The following KIF1A variants were observed in gnomAD, a reference collection of about 807,000 sequenced individuals.
The protein encoded by KIF1A is kinesin family member 1A.
In KIF1A, 46 loss-of-function variants were observed where a neutral mutation model predicts 227.3. The ratio of observed to expected loss-of-function variants is 0.20; its 90% CI spans 0.16 to 0.26. The LOEUF is 0.26. KIF1A is among the 10% of genes least tolerant of loss of function. KIF1A has a pLI of 1.00. For missense variants in KIF1A, 1,683 were observed against 2,485.9 expected (o/e 0.68, Z 6.87); for synonymous variants, 1,022 against 1,012.8 (o/e 1.01, Z -0.17).
chr2:240,744,161 T>C (rs919593269), intron 32 of KIF1A, 101 bp from the exon 33 acceptor site: 2 of 825,924 alleles, frequency 2.4e-6, no homozygotes, highest in Non-Finnish European at 4.1e-6. Context: ...GGCCCAGATC[T>C]GGGACCCCTA....
chr2:240,728,333 C>T (rs968353439), intron 38 of KIF1A: 53 of 1,134,562 alleles, frequency 4.7e-5, no homozygotes, highest in East Asian at 2.9e-4. Flanking sequence ...GAAAGGAACT[C>T]GGAAGAGCAG....
chr2:240,733,676 T>C (rs2125696287), intron 38 of KIF1A, among the ~76,000 whole-genome samples: 1 of 152,322 alleles, frequency 6.6e-6, no homozygotes, highest in East Asian at 1.9e-4. Flanking sequence ...GACAAGGATG[T>C]GGCCTCAGAA....
chr2:240,765,866 G>A (rs1008021963), intron 19 of KIF1A, 73 bp from the exon 20 acceptor site: 1 of 1,117,048 alleles, frequency 9.0e-7, no homozygotes, highest in East Asian at 2.4e-5. Context: ...GGCTTACCTG[G>A]CCCCCGGGCA....
chr2:240,761,207 G>T, intron 24 of KIF1A, 22 bp downstream of exon 24: 1 of 1,603,610 alleles, frequency 6.2e-7, no homozygotes, highest in Non-Finnish European at 8.5e-7. Flanking sequence ...ACAGGAAACG[G>T]TACAGCCAGT....
intron 1 of KIF1A, among the ~76,000 whole-genome samples, chr2:240,809,974 T>G (rs1174495070): frequency 6.6e-6 from 1 of 152,218 alleles, no homozygotes; most frequent in Non-Finnish European, 1.5e-5. Flanking sequence ...TTTATTTTTA[T>G]TTTTATTTTT....
At chr2:240,809,898 AAAG>A (rs1056580780) in intron 1 of KIF1A, among the ~76,000 whole-genome samples, 2 of 152,140 alleles carry the variant, frequency 1.3e-5, no homozygotes, top group African/African-American at 2.4e-5. Flanking sequence ...AAAAAAAAAA[AAAG>A]AGTTTCTTGT....
At position 240,788,277 on chromosome 2, in the gene KIF1A, G is replaced by A. The variant is rs756849165; in HGVS notation, c.184-47C>T. The A allele has an allele frequency of 2.0e-5, 32 of 1,575,800 alleles. No homozygotes were observed. The highest frequency in any genetic ancestry group is 2.3e-5 in the East Asian group (1 of 44,414). On this transcript the variant is annotated intron_variant, in intron 3 of 48. Coordinates refer to ENST00000498729, the MANE Select transcript of KIF1A (RefSeq NM_001244008.2). This position sits in a 1 kb window ranked among gnomAD's most constrained non-coding sequence, Gnocchi z 6.6. Reference sequence around the variant, plus strand: ...AAGTTGCAGGAGGCTGGGTGCATCCGAGGCTCAGCCCATCATGTCTGCGGA... The same window carrying A: ...AAGTTGCAGGAGGCTGGGTGCATCCAAGGCTCAGCCCATCATGTCTGCGGA...
rs553305820 is a variant in KIF1A at position 240,759,805 on chromosome 2, G to A, written c.2444+860C>T. 4.6e-5 allele frequency among the ~76,000 whole-genome samples: 7 copies of A among 152,274 alleles called. No homozygotes were observed. The South Asian group carries it at 6.2e-4, about 14-fold the overall frequency. On this transcript the variant is annotated intron_variant, in intron 25 of 48. Transcript: ENST00000498729. ...AAGGATTGGCTGAGGCCAGGAGTTA[G>A]AGATCAGCCTGTGCAACAGAGCGAG...
In KIF1A at chr2:240,757,376, A is replaced by T. The variant is rs1422783093; in HGVS notation, c.2801T>A (p.Leu934Gln). 6.4e-7 allele frequency: 1 copy of T among 1,550,484 alleles called. No individual in the cohort carries two copies. The highest frequency in any genetic ancestry group is 1.4e-5 in the African/African-American group (1 of 73,010). ...LEDDVFPEHA[L>Q]CDGRDPFYDR... ...GTAAAACGGGTCCCGGCCGTCGCAC[A>T]GCGCGTGCTCCGGAAAGACGTCGTC... The change falls in exon 27 of 49, where the codon CTG becomes CAG. Residue 934 changes from leucine to glutamine, a missense_variant. By Grantham distance (113) the Leu-to-Gln change is moderately radical (BLOSUM62 -2). This residue lies in a region of KIF1A where 759 missense variants were observed against 1,020.2 expected (regional missense o/e 0.74). Coordinates refer to ENST00000498729, the MANE Select transcript of KIF1A (RefSeq NM_001244008.2). This position sits in a 1 kb window ranked among gnomAD's most constrained non-coding sequence, Gnocchi z 6.2.
intron 43 of KIF1A, 82 bp from the exon 44 acceptor site, chr2:240,721,966 C>T: frequency 8.5e-7 from 1 of 1,175,736 alleles, no homozygotes; most frequent in Non-Finnish European, 1.2e-6. Flanking sequence ...TTCTACCCAC[C>T]CCTCCCCAGA....
intron 1 of KIF1A, among the ~76,000 whole-genome samples, chr2:240,798,591 T>C (rs1401709144): frequency 6.6e-6 from 1 of 152,124 alleles, no homozygotes; most frequent in Non-Finnish European, 1.5e-5. Context: ...GGGGTGGTGG[T>C]CAGGAACCCC....
Position 240,726,690 on chromosome 2 carries a change from G to A in KIF1A, c.4122+136C>T. On this transcript the variant is annotated intron_variant, in intron 39 of 48. Coordinates refer to ENST00000498729, the MANE Select transcript of KIF1A (RefSeq NM_001244008.2). This position sits in a 1 kb window ranked among gnomAD's most constrained non-coding sequence, Gnocchi z 5.2. The stretch of plus-strand genomic sequence containing the variant: ...CAGTTTTTGTTTTTGTTTTTTAAAA[G>A]GCACACAAATTTAACCCAGGGACTT... 2.1e-6 allele frequency: 1 copy of A among 473,946 alleles called. No individual in the cohort carries two copies. Among genetic ancestry groups the A allele is most frequent in the African/African-American group, 2.0e-5 (1 of 50,590 alleles). The allele number at this position is 473,946 out of a possible 1,614,324, so 29.4% of individuals were successfully genotyped here.
In KIF1A at chr2:240,740,392, C is replaced by T. The variant is rs201193614; in HGVS notation, c.3750-28G>A. On this transcript the variant is annotated intron_variant, in intron 35 of 48. Transcript: ENST00000498729. The surrounding 1 kb of genome is among the most constrained non-coding windows in gnomAD (Gnocchi z 6.1). ...GGAAGAGAGAGACACATGTGAGGAG[C>T]GGCCAGCCCCTCCTCTCTGCCCTCC... 1.1e-5 allele frequency: 17 copies of T among 1,593,994 alleles called. No homozygotes were observed. The highest frequency in any genetic ancestry group is 9.4e-5 in the African/African-American group (7 of 74,588).
Position 240,791,005 on chromosome 2 carries a change from C to G in KIF1A, c.107-1693G>C, listed in dbSNP as rs556697244. Among the ~76,000 whole-genome samples, 46 of 152,282 alleles carry G rather than the reference C, an allele frequency of 3.0e-4. 2 individuals carry two copies. The South Asian group carries it at 9.5e-3, about 32-fold the overall frequency. ...CAGGCATCACTGGCAGCCTTGTCGC[C>G]AGGGCAGATCCAGTTTCAGGTCCCA... On this transcript the variant is annotated intron_variant, in intron 2 of 48. Transcript: ENST00000498729.
intron 38 of KIF1A, chr2:240,728,459 A>T: frequency 8.0e-7 from 1 of 1,245,132 alleles, no homozygotes; most frequent in Non-Finnish European, 1.1e-6. Context: ...TACAGAAGAA[A>T]TGGAGATGTC....
chr2:240,817,946 T>A (rs1327378851), intron 1 of KIF1A, among the ~76,000 whole-genome samples: 2 of 152,202 alleles, frequency 1.3e-5, no homozygotes, highest in African/African-American at 4.8e-5. Flanking sequence ...CAGCCAAGCA[T>A]CATCCCTGGG....
intron 42 of KIF1A, 148 bp from the exon 43 acceptor site, chr2:240,722,804 CT>C: frequency 1.5e-6 from 1 of 649,112 alleles, no homozygotes; most frequent in South Asian, 2.4e-5. Flanking sequence ...CAGCCCTCAG[CT>C]GTGAAATGAG....
chr2:240,759,341 C>T (rs1050488070), intron 25 of KIF1A, among the ~76,000 whole-genome samples: 2 of 152,102 alleles, frequency 1.3e-5, no homozygotes, highest in African/African-American at 4.8e-5. Context: ...CCTACACAAA[C>T]CAACCAATCC....
chr2:240,765,871 C>T (rs541244947), intron 19 of KIF1A, 78 bp from the exon 20 acceptor site: 29 of 985,226 alleles, frequency 2.9e-5, no homozygotes, highest in African/African-American at 2.7e-4. Flanking sequence ...ACCTGGCCCC[C>T]GGGCATGGCC....
Sources: allele counts gnomAD v4.1 joint callset (sites outside exome capture counted in the v4.1 genomes callset), GRCh38; gene constraint gnomAD v4.1.1; regional missense constraint gnomAD v4.1.1; non-coding constraint Gnocchi (gnomAD v3.1); transcripts MANE v1.5; gene names NCBI Gene and HGNC (gene_info 2026-07-23, HGNC 2026-07-21).